Variants in EHD4 observed in about 807,000 individuals in gnomAD.
EHD4 encodes the protein EH domain containing 4.
In EHD4, 37 loss-of-function variants were observed where a neutral mutation model predicts 51.0. The observed-to-expected ratio is 0.73, with a 90% CI of 0.56 to 0.95. The LOEUF is 0.95. EHD4 is among the 40% of genes least tolerant of loss of function. EHD4 has a pLI of 0.00. For missense variants in EHD4, 632 were observed against 733.1 expected, an observed-to-expected ratio of 0.86 and a Z score of 1.59; for synonymous variants, 297 against 317.3, an observed-to-expected ratio of 0.94 and a Z score of 0.68.
At chr15:41,922,645 A>G (rs567638812) in intron 3 of EHD4, among the ~76,000 whole-genome samples, 1 of 152,342 alleles carries the variant, frequency 6.6e-6, no homozygotes, top group East Asian at 1.9e-4. Flanking sequence ...ACTTGTGTTT[A>G]AACTTTAACT....
intron 4 of EHD4, among the ~76,000 whole-genome samples, chr15:41,911,845 C>T (rs574655223): frequency 1.3e-5 from 2 of 152,154 alleles, no homozygotes; most frequent in East Asian, 1.9e-4. Context: ...GCCCTCACCA[C>T]GTACTAGTAA....
At chr15:41,921,604 G>A (rs1157294654) in intron 3 of EHD4, 1 of 152,176 alleles carries the variant, frequency 6.6e-6, no homozygotes, top group Admixed American at 6.5e-5. Flanking sequence ...ACCTGCATGG[G>A]GACTTGCTTT....
chr15:41,936,949 A>T (rs997084705), intron 3 of EHD4, among the ~76,000 whole-genome samples: 2 of 152,244 alleles, frequency 1.3e-5, no homozygotes, highest in Non-Finnish European at 1.5e-5. Context: ...GACTGGCCTT[A>T]GCCCTGGCTG....
At chr15:41,956,475 C>G (rs1287245854) in intron 1 of EHD4, among the ~76,000 whole-genome samples, 2 of 152,190 alleles carry the variant, frequency 1.3e-5, no homozygotes, top group African/African-American at 4.8e-5. Context: ...ATGTTTCATT[C>G]CTGTACAAGT....
intron 1 of EHD4, among the ~76,000 whole-genome samples, chr15:41,954,211 C>T (rs1404454385): frequency 2.0e-5 from 3 of 152,152 alleles, no homozygotes; most frequent in Non-Finnish European, 4.4e-5. Flanking sequence ...TGTGGGGACA[C>T]CTCTTTTGTG....
In EHD4 at chr15:41,899,791, A is replaced by G. The variant is rs1258117729; in HGVS notation, c.*854T>C. The G allele has an allele frequency of 6.6e-6, 1 of 152,370 alleles. No homozygotes were observed. Among genetic ancestry groups the G allele is most frequent in the East Asian group, 1.9e-4 (1 of 5,190 alleles). The allele number at this position is 152,370 out of a possible 1,614,324, so 9.4% of individuals were successfully genotyped here. ...TTTTCTTTACTGTAGTTTAAGTATG[A>G]TAAGTGGGCTTTGCTATTACTTATT... On this transcript the variant is annotated 3_prime_UTR_variant, in exon 6 of 6. Transcript: ENST00000220325.
chr15:41,970,192 G>T (rs2067986802), intron 1 of EHD4, among the ~76,000 whole-genome samples: 1 of 152,192 alleles, frequency 6.6e-6, no homozygotes, highest in Admixed American at 6.5e-5. Context: ...GCTCCAATCT[G>T]AAAAGCAATT....
intron 3 of EHD4, among the ~76,000 whole-genome samples, chr15:41,929,869 C>G (rs2067687198): frequency 6.6e-6 from 1 of 152,222 alleles, no homozygotes; most frequent in African/African-American, 2.4e-5. Context: ...CAGACACGAA[C>G]TAGTTACAGT....
intron 1 of EHD4, among the ~76,000 whole-genome samples, chr15:41,971,700 C>T (rs2067996661): frequency 1.3e-5 from 2 of 152,228 alleles, no homozygotes; most frequent in Admixed American, 1.3e-4. Flanking sequence ...CGGCTAAAGG[C>T]GGTGCATGAA....
In EHD4 at chr15:41,898,852, T is replaced by C. The variant is rs1371359950; in HGVS notation, c.*1793A>G. ...CCTCTCAAAATAAAAATAAAAATAA[T>C]AAAATAATAAATGGTTCTTTTCTAT... is the stretch of plus-strand genomic sequence containing the variant. On this transcript the variant is annotated 3_prime_UTR_variant, in exon 6 of 6. Coordinates refer to ENST00000220325, the MANE Select transcript of EHD4 (RefSeq NM_139265.4). The C allele has an allele frequency of 6.6e-6, 1 of 152,090 alleles. No individual in the cohort carries two copies. Among genetic ancestry groups the C allele is most frequent in the Non-Finnish European group, 1.5e-5 (1 of 68,004 alleles). 9.4% of individuals were successfully genotyped at this position (152,090 alleles called of 1,614,324 possible). A position where few individuals can be genotyped will look rare whatever the true frequency, so the allele number is the denominator to read the frequency against.
chr15:41,911,649 C>T (rs1595531359), intron 4 of EHD4, among the ~76,000 whole-genome samples: 1 of 152,124 alleles, frequency 6.6e-6, no homozygotes. Flanking sequence ...TCTATGTATA[C>T]CTATGTATAC....
chr15:41,963,377 T>C (rs2067939458), intron 1 of EHD4, among the ~76,000 whole-genome samples: 1 of 150,216 alleles, frequency 6.7e-6, no homozygotes, highest in East Asian at 2.0e-4. Context: ...GACAGGCAGA[T>C]CACTTGAGGT....
intron 2 of EHD4, among the ~76,000 whole-genome samples, chr15:41,949,073 C>A (rs542538769): frequency 4.9e-4 from 64 of 129,512 alleles, no homozygotes; most frequent in Non-Finnish European, 9.7e-4. Context: ...CACACACATA[C>A]ATATACATAA....
At chr15:41,963,560 C>T (rs1387547128) in intron 1 of EHD4, among the ~76,000 whole-genome samples, 1 of 147,488 alleles carries the variant, frequency 6.8e-6, no homozygotes, top group Admixed American at 6.8e-5. Context: ...GAACGTGCTA[C>T]TGCACTCCAG....
chr15:41,940,994 A>G (rs2067765993), intron 3 of EHD4, among the ~76,000 whole-genome samples: 1 of 152,236 alleles, frequency 6.6e-6, no homozygotes, highest in African/African-American at 2.4e-5. Flanking sequence ...TCAGTCAGAA[A>G]TGGAGAAGCA....
intron 3 of EHD4, among the ~76,000 whole-genome samples, chr15:41,924,403 A>G (rs982937643): frequency 4.6e-5 from 7 of 152,154 alleles, no homozygotes; most frequent in African/African-American, 1.7e-4. Context: ...TCGTTTCCTC[A>G]TCTGTAATAA....
chr15:41,945,374 T>C (rs993500938), intron 2 of EHD4, among the ~76,000 whole-genome samples: 1 of 152,114 alleles, frequency 6.6e-6, no homozygotes, highest in African/African-American at 2.4e-5. Flanking sequence ...CCTCCTGACA[T>C]GACAGCAGAG....
At chr15:41,931,614 G>A (rs1232182017) in intron 3 of EHD4, among the ~76,000 whole-genome samples, 1 of 151,978 alleles carries the variant, frequency 6.6e-6, no homozygotes, top group African/African-American at 2.4e-5. Flanking sequence ...AGTGCAATTA[G>A]CATATGCATT....
At chr15:41,956,195 T>G (rs1218157150) in intron 1 of EHD4, among the ~76,000 whole-genome samples, 2 of 152,170 alleles carry the variant, frequency 1.3e-5, no homozygotes, top group African/African-American at 4.8e-5. Flanking sequence ...ACACACTGAT[T>G]AAAGGGATGA....
Sources: gnomAD v4.1 joint callset for allele counts (sites outside exome capture counted in the v4.1 genomes callset) on GRCh38, gnomAD v4.1.1 for gene constraint, MANE v1.5 for transcripts, NCBI Gene and HGNC (gene_info 2026-07-23, HGNC 2026-07-21) for gene names.